Variants in ITGAV observed in about 807,000 individuals in gnomAD.
ITGAV encodes integrin subunit alpha V, also known as integrin alpha-V.
In ITGAV, 76 loss-of-function variants were observed where a neutral mutation model predicts 143.8. The observed-to-expected ratio is 0.53, with a 90% CI of 0.44 to 0.64. The LOEUF (loss-of-function observed/expected upper bound fraction) is 0.64. ITGAV is among the 30% of genes least tolerant of loss of function. ITGAV has a pLI of 0.00. For missense variants in ITGAV, 1,193 were observed against 1,274.7 expected (o/e 0.94, Z 0.98); for synonymous variants, 453 against 446.7 (o/e 1.01, Z -0.18).
intron 26 of ITGAV, among the ~76,000 whole-genome samples, chr2:186,671,945 C>CTT (rs370408067): frequency 0.54 from 71,192 of 131,548 alleles, 19,648 homozygotes; most frequent in East Asian, 0.79. Context: ...CTTAGTACTC[C>CTT]TTTTTTTTTT....
chr2:186,600,570 C>T (rs979246172), intron 1 of ITGAV, among the ~76,000 whole-genome samples: 3 of 152,170 alleles, frequency 2.0e-5, no homozygotes, highest in African/African-American at 7.2e-5. Context: ...TCTCTCTCAG[C>T]TAATTGTTTG....
At chr2:186,592,093 G>A (rs1686630278) in intron 1 of ITGAV, among the ~76,000 whole-genome samples, 1 of 152,170 alleles carries the variant, frequency 6.6e-6, no homozygotes, top group South Asian at 2.1e-4. Context: ...ATAATTTGTA[G>A]AGAAATTCTA....
At chr2:186,668,185 CATAT>C (rs1225346630) in intron 24 of ITGAV, among the ~76,000 whole-genome samples, 26 of 19,074 alleles carry the variant, frequency 1.4e-3, no homozygotes, top group African/African-American at 4.2e-3. Context: ...TACATACATA[CATAT>C]ATATATATAT....
intron 1 of ITGAV, among the ~76,000 whole-genome samples, chr2:186,593,780 G>A (rs1574455512): frequency 2.6e-5 from 2 of 75,616 alleles, no homozygotes; most frequent in East Asian, 1.4e-3. Context: ...ATTTGAGTAG[G>A]TTGGTGTGAG....
intron 10 of ITGAV, among the ~76,000 whole-genome samples, chr2:186,639,641 G>T (rs1688048763): frequency 6.6e-6 from 1 of 152,152 alleles, no homozygotes; most frequent in African/African-American, 2.4e-5. Flanking sequence ...TTTTAGATGA[G>T]GACAAACCTG....
intron 13 of ITGAV, among the ~76,000 whole-genome samples, chr2:186,647,432 T>C (rs1688293645): frequency 6.6e-6 from 1 of 152,052 alleles, no homozygotes; most frequent in African/African-American, 2.4e-5. Flanking sequence ...GAGTGGTTTT[T>C]GCCATGTTGC....
intron 14 of ITGAV, among the ~76,000 whole-genome samples, chr2:186,650,120 AATC>A (rs1358901713): frequency 6.6e-6 from 1 of 152,200 alleles, no homozygotes; most frequent in Non-Finnish European, 1.5e-5. Context: ...GTAATTATCA[AATC>A]AGAGTAATTA....
chr2:186,663,650 G>A (rs776776787), intron 18 of ITGAV, 118 bp from the exon 19 acceptor site: 12 of 648,790 alleles, frequency 1.8e-5, no homozygotes, highest in Non-Finnish European at 2.9e-5. Flanking sequence ...AAGCTGATGA[G>A]TATCTGAAAA....
chr2:186,612,911 C>T (rs1383438547), intron 2 of ITGAV, among the ~76,000 whole-genome samples: 1 of 152,110 alleles, frequency 6.6e-6, no homozygotes, highest in Non-Finnish European at 1.5e-5. Context: ...AATGTTTCTC[C>T]TGATATAATC....
Position 186,633,366 on chromosome 2 carries a change from A to G in ITGAV, c.623A>G (p.Tyr208Cys). 2 of 1,585,708 alleles carry G rather than the reference A, an allele frequency of 1.3e-6. No homozygotes were observed. The highest frequency in any genetic ancestry group is 1.1e-5 in the South Asian group (1 of 88,388). ...CTTCTTGGTGGTCCTGGTAGCTTTT[A>G]TTGGCAAGGTAGGTTAATATTTTTT... ...RVLLGGPGSF[Y>C]WQGQLISDQV... The change falls in exon 6 of 30, where the codon TAT becomes TGT. Residue 208 changes from tyrosine to cysteine, a missense_variant. Physicochemically the swap from Tyr to Cys is radical, Grantham distance 194 (BLOSUM62 -2). Transcript: ENST00000261023.
intron 4 of ITGAV, among the ~76,000 whole-genome samples, chr2:186,626,450 C>G (rs954014306): frequency 1.3e-5 from 2 of 152,142 alleles, no homozygotes; most frequent in African/African-American, 4.8e-5. Context: ...GCCTAGAGCC[C>G]TTAGGCCATT....
chr2:186,622,251 A>AT (rs1421577708), intron 2 of ITGAV, 88 bp from the exon 3 acceptor site: 1 of 867,982 alleles, frequency 1.2e-6, no homozygotes, highest in Non-Finnish European at 1.9e-6. Flanking sequence ...AAGGTGTACT[A>AT]TTTCTCAACC....
At chr2:186,636,804 A>G (rs1245281756) in intron 7 of ITGAV, among the ~76,000 whole-genome samples, 15 of 152,182 alleles carry the variant, frequency 9.9e-5, no homozygotes, top group Admixed American at 9.8e-4. Flanking sequence ...TGAGTTGTAA[A>G]TTTGGTGTTT....
At chr2:186,624,573 T>C (rs1235706062) in intron 3 of ITGAV, among the ~76,000 whole-genome samples, 1 of 152,192 alleles carries the variant, frequency 6.6e-6, no homozygotes, top group Non-Finnish European at 1.5e-5. Flanking sequence ...AAGTCAGTAT[T>C]GATGTTCTGC....
intron 2 of ITGAV, among the ~76,000 whole-genome samples, chr2:186,608,351 G>A (rs1274669279): frequency 6.6e-6 from 1 of 152,144 alleles, no homozygotes; most frequent in Non-Finnish European, 1.5e-5. Context: ...TTCTAGGCTG[G>A]TTGCTGCATA....
chr2:186,672,574 T>G (rs773962370), intron 26 of ITGAV, among the ~76,000 whole-genome samples: 2 of 152,234 alleles, frequency 1.3e-5, no homozygotes, highest in African/African-American at 4.8e-5. Context: ...CACATCTTTG[T>G]CAACACTTAT....
chr2:186,635,822 T>G (rs1432625710), intron 6 of ITGAV, among the ~76,000 whole-genome samples: 1 of 152,200 alleles, frequency 6.6e-6, no homozygotes, highest in Non-Finnish European at 1.5e-5. Context: ...TAACATTGCT[T>G]TCTAGTGATT....
intron 15 of ITGAV, among the ~76,000 whole-genome samples, chr2:186,654,190 G>C (rs533366848): frequency 6.6e-6 from 1 of 152,006 alleles, no homozygotes; most frequent in Non-Finnish European, 1.5e-5. Flanking sequence ...AAAATTAGCC[G>C]GGTGTGGTGG....
At chr2:186,654,518 AT>A in intron 15 of ITGAV, 131 bp from the exon 16 acceptor site, 1 of 527,748 alleles carries the variant, frequency 1.9e-6, no homozygotes, top group Non-Finnish European at 3.4e-6. Context: ...TTTTAGAATA[AT>A]ATTAAGACAT....
Sources: allele counts gnomAD v4.1 joint callset (sites outside exome capture counted in the v4.1 genomes callset), GRCh38; gene constraint gnomAD v4.1.1; transcripts MANE v1.5; gene names NCBI Gene and HGNC (gene_info 2026-07-23, HGNC 2026-07-21).